NELL2: variants seen among roughly 807,000 people sequenced by gnomAD.
NELL2 encodes protein kinase C-binding protein NELL2.
NELL2 carries 41 observed loss-of-function variants against 109.6 expected under a neutral mutation model. That is an observed-to-expected ratio of 0.37 (90% confidence interval 0.29 to 0.49). The LOEUF is 0.49. Ranked by LOEUF, NELL2 falls within the 20% of genes least tolerant of loss-of-function variation. The pLI, the probability that NELL2 is intolerant of heterozygous loss-of-function variation, is 0.98. For synonymous variants in NELL2, 355 were observed against 344.7 expected, an observed-to-expected ratio of 1.03 and a Z score of -0.33; for missense variants, 900 against 1,008.3, an observed-to-expected ratio of 0.89 and a Z score of 1.45.
chr12:44,664,970 G>A (rs1019564655), intron 13 of NELL2, among the ~76,000 whole-genome samples: 2 of 152,030 alleles, frequency 1.3e-5, no homozygotes, highest in Admixed American at 6.6e-5. Context: ...GACTTTAGAT[G>A]ATACTAAAAG....
intron 2 of NELL2, among the ~76,000 whole-genome samples, chr12:44,832,258 T>C (rs1943911786): frequency 6.6e-6 from 1 of 152,160 alleles, no homozygotes; most frequent in Admixed American, 6.5e-5. Flanking sequence ...TAAAAAGAAA[T>C]TCTTTATGTC....
In NELL2 at chr12:44,797,860, C is replaced by T. The variant is rs538442529; in HGVS notation, c.336-17838G>A. Among the ~76,000 whole-genome samples, 898 of 127,242 alleles carry T rather than the reference C, an allele frequency of 7.1e-3. 40 individuals carry two copies. The highest frequency in any genetic ancestry group is 0.024 in the African/African-American group (830 of 34,022). The allele number at this position is 127,242 out of a possible 152,430, so 83.5% of individuals were successfully genotyped here. A position where few individuals can be genotyped will look rare whatever the true frequency, so the allele number is the denominator to read the frequency against. On this transcript the variant is annotated intron_variant, in intron 3 of 19. Coordinates refer to ENST00000429094, the MANE Select transcript of NELL2 (RefSeq NM_001145108.2). ...TCCTAGATGGAATGATGGAATAAAA[C>T]CATTCCATCCTAGATGGAATGATGG...
intron 2 of NELL2, among the ~76,000 whole-genome samples, chr12:44,863,473 C>A (rs1299709890): frequency 6.6e-6 from 1 of 151,956 alleles, no homozygotes. Flanking sequence ...CAACAGAAGT[C>A]TTACAGACGA....
intron 7 of NELL2, among the ~76,000 whole-genome samples, chr12:44,776,496 T>A (rs990647888): frequency 1.3e-5 from 2 of 152,064 alleles, no homozygotes; most frequent in African/African-American, 4.8e-5. Context: ...AGTAAAAAAA[T>A]AAAATTCAGA....
At chr12:44,775,098 AT>A (rs1164091080) in intron 8 of NELL2, among the ~76,000 whole-genome samples, 2 of 152,170 alleles carry the variant, frequency 1.3e-5, no homozygotes, top group Admixed American at 1.3e-4. Context: ...CGGGCTTCCC[AT>A]TTTATTGACT....
chr12:44,864,137 A>G (rs532230635), intron 2 of NELL2, among the ~76,000 whole-genome samples: 1 of 152,310 alleles, frequency 6.6e-6, no homozygotes, highest in South Asian at 2.1e-4. Flanking sequence ...GAAGACAACA[A>G]GAGAGGAAGA....
At chr12:44,529,633 G>C (rs1941953653) in intron 16 of NELL2, among the ~76,000 whole-genome samples, 1 of 152,142 alleles carries the variant, frequency 6.6e-6, no homozygotes, top group Non-Finnish European at 1.5e-5. Context: ...GAGAGAGTGG[G>C]GTACCTGAAG....
intron 19 of NELL2, among the ~76,000 whole-genome samples, chr12:44,516,722 A>ATC (rs1941276147): frequency 6.6e-6 from 1 of 152,178 alleles, no homozygotes; most frequent in African/African-American, 2.4e-5. Flanking sequence ...GTGCAGTGGC[A>ATC]TGATCATGGC....
At chr12:44,889,550 A>G (rs950608578) in intron 1 of NELL2, among the ~76,000 whole-genome samples, 1 of 151,948 alleles carries the variant, frequency 6.6e-6, no homozygotes, top group South Asian at 2.1e-4. Flanking sequence ...GGTCCTGTTT[A>G]AGGTTTTCTA....
At chr12:44,637,704 T>C (rs1290467915) in intron 13 of NELL2, among the ~76,000 whole-genome samples, 1 of 150,950 alleles carries the variant, frequency 6.6e-6, no homozygotes, top group African/African-American at 2.4e-5. Context: ...GTTTCTCAAA[T>C]GACATGAAGC....
intron 15 of NELL2, among the ~76,000 whole-genome samples, chr12:44,583,194 A>G (rs1944382006): frequency 6.6e-6 from 1 of 152,228 alleles, no homozygotes; most frequent in African/African-American, 2.4e-5. Context: ...GAATGTCATT[A>G]ACCACATGTC....
intron 15 of NELL2, among the ~76,000 whole-genome samples, chr12:44,566,455 C>T (rs1417835688): frequency 1.3e-5 from 2 of 151,836 alleles, no homozygotes; most frequent in East Asian, 3.9e-4. Flanking sequence ...TGAAGTTAAT[C>T]AGGAAAATAA....
intron 16 of NELL2, among the ~76,000 whole-genome samples, chr12:44,530,540 G>T (rs139682115): frequency 6.6e-6 from 1 of 152,296 alleles, no homozygotes; most frequent in African/African-American, 2.4e-5. Context: ...TCCCTTGAAT[G>T]TGGGATGTAC....
chr12:44,696,352 C>T (rs1158576482), intron 12 of NELL2, among the ~76,000 whole-genome samples: 14 of 152,124 alleles, frequency 9.2e-5, no homozygotes, highest in South Asian at 6.2e-4. Flanking sequence ...GTATTTATTA[C>T]GCACCTTATA....
In NELL2 at chr12:44,690,141, G is replaced by C. The variant is rs77271390; in HGVS notation, c.1318+13585C>G. Among the ~76,000 whole-genome samples, 1,361 of 152,210 alleles carry C rather than the reference G, an allele frequency of 8.9e-3. 11 individuals carry two copies. Among genetic ancestry groups the C allele is most frequent in the Non-Finnish European group, 0.013 (906 of 68,006 alleles). The stretch of plus-strand genomic sequence containing the variant: ...CCTGACCTACTCAAGCAATATTAAG[G>C]TTGTGTCCAGGAATGTGCATTTTTC... On this transcript the variant is annotated intron_variant, in intron 12 of 19. Coordinates refer to ENST00000429094, the MANE Select transcript of NELL2 (RefSeq NM_001145108.2).
intron 9 of NELL2, among the ~76,000 whole-genome samples, chr12:44,760,963 T>C (rs982842598): frequency 1.3e-4 from 20 of 152,192 alleles, no homozygotes; most frequent in Admixed American, 4.6e-4. Flanking sequence ...TTGCAACATA[T>C]ATATTAGATA....
At chr12:44,661,184 A>C (rs1297097253) in intron 13 of NELL2, among the ~76,000 whole-genome samples, 4 of 152,202 alleles carry the variant, frequency 2.6e-5, no homozygotes, top group Non-Finnish European at 5.9e-5. Flanking sequence ...CCCAAGCGTA[A>C]GGAGGGCACT....
rs201710729 is a variant in NELL2, at chr12:44,723,454, TGA to T, written c.995-8715_995-8714del. Among the ~76,000 whole-genome samples, 100 of 152,324 alleles carry T rather than the reference TGA, an allele frequency of 6.6e-4. 1 individual carries two copies. In the East Asian group the frequency reaches 0.019, roughly 29 times the overall value. On this transcript the variant is annotated intron_variant, in intron 9 of 19. Transcript: ENST00000429094. ...ATTGTTTGAAAATAATCAGTTAAAC[TGA>T]GAAATCATATACGACAATAAATATG... is the stretch of plus-strand genomic sequence containing the variant.
intron 2 of NELL2, among the ~76,000 whole-genome samples, chr12:44,827,159 A>C (rs1943737161): frequency 6.6e-6 from 1 of 152,130 alleles, no homozygotes; most frequent in Admixed American, 6.5e-5. Flanking sequence ...TTTTTTAAAA[A>C]AATTATGTGG....
Sources: allele counts gnomAD v4.1 joint callset (sites outside exome capture counted in the v4.1 genomes callset), GRCh38; gene constraint gnomAD v4.1.1; transcripts MANE v1.5; gene names NCBI Gene and HGNC (gene_info 2026-07-23, HGNC 2026-07-21).